The following MACROD2 variants were observed in gnomAD, a reference collection of about 807,000 sequenced individuals.
MACROD2 encodes mono-ADP ribosylhydrolase 2.
In MACROD2, 36 loss-of-function variants were observed where a neutral mutation model predicts 70.4. The observed-to-expected ratio is 0.51, with a 90% CI of 0.39 to 0.68. The LOEUF is 0.68. MACROD2 is among the 30% of genes least tolerant of loss of function. The pLI is 0.00. For synonymous variants in MACROD2, 172 were observed against 178.8 expected (o/e 0.96, Z 0.30); for missense variants, 496 against 538.4 (o/e 0.92, Z 0.78).
intron 6 of MACROD2, among the ~76,000 whole-genome samples, chr20:15,422,309 A>G (rs1000632465): frequency 5.9e-5 from 9 of 152,124 alleles, no homozygotes; most frequent in Non-Finnish European, 1.2e-4. Flanking sequence ...GGGTGTTCTC[A>G]GCGAATTAGA....
chr20:15,817,412 C>A (rs1246813439), intron 8 of MACROD2, among the ~76,000 whole-genome samples: 1 of 152,012 alleles, frequency 6.6e-6, no homozygotes, highest in Admixed American at 6.6e-5. Context: ...ATGTGCCCAC[C>A]AAAAAATTAG....
intron 8 of MACROD2, among the ~76,000 whole-genome samples, chr20:15,635,619 TA>T (rs1246019809): frequency 1.3e-5 from 2 of 151,962 alleles, no homozygotes; most frequent in Admixed American, 1.3e-4. Context: ...GAGCGAGGGT[TA>T]AAAAACTATT....
intron 4 of MACROD2, among the ~76,000 whole-genome samples, chr20:14,563,549 A>C (rs761341944): frequency 6.6e-5 from 10 of 151,872 alleles, no homozygotes; most frequent in Non-Finnish European, 8.8e-5. Context: ...AATTAGTTAA[A>C]CTTTTTATTT....
At chr20:16,024,518 C>CAG (rs2067050475) in intron 15 of MACROD2, among the ~76,000 whole-genome samples, 1 of 143,982 alleles carries the variant, frequency 6.9e-6, no homozygotes, top group South Asian at 2.4e-4. Context: ...CACACAGACA[C>CAG]ACACACACAC....
intron 6 of MACROD2, among the ~76,000 whole-genome samples, chr20:15,389,135 T>A (rs191816080): frequency 6.6e-6 from 1 of 151,292 alleles, no homozygotes; most frequent in Non-Finnish European, 1.5e-5. Context: ...GTGGAGGGAG[T>A]AGAGACATGG....
intron 6 of MACROD2, among the ~76,000 whole-genome samples, chr20:15,301,427 C>T (rs1338788665): frequency 3.9e-5 from 6 of 152,054 alleles, no homozygotes; most frequent in Admixed American, 3.9e-4. Flanking sequence ...TCATGGTCAC[C>T]AACTTGCCTT....
In MACROD2 at chr20:14,356,561, G is replaced by A. The variant is rs184255074; in HGVS notation, c.272-136918G>A. On this transcript the variant is annotated intron_variant, in intron 3 of 17. Coordinates refer to ENST00000684519, the MANE Select transcript of MACROD2 (RefSeq NM_001351661.2). ...GCTCTGTCACCCAGGGTGGAGGGCA[G>A]TGGTGCAATTTTGGCTCACTGCAAC... Among the ~76,000 whole-genome samples the A allele has an allele frequency of 2.1e-5, 3 of 144,216 alleles. No individual in the cohort carries two copies. The East Asian group carries it at 6.1e-4, about 29-fold the overall frequency. The allele number at this position is 144,216 out of a possible 152,430, so 94.6% of individuals were successfully genotyped here. A position where few individuals can be genotyped will look rare whatever the true frequency, so the allele number is the denominator to read the frequency against.
chr20:14,098,225 G>A (rs2054254241), intron 3 of MACROD2, among the ~76,000 whole-genome samples: 1 of 152,166 alleles, frequency 6.6e-6, no homozygotes, highest in African/African-American at 2.4e-5. Context: ...CCTGTACAAA[G>A]ATATGTGTAA....
intron 5 of MACROD2, among the ~76,000 whole-genome samples, chr20:14,710,004 A>T (rs900443252): frequency 6.6e-6 from 1 of 152,182 alleles, no homozygotes; most frequent in African/African-American, 2.4e-5. Flanking sequence ...TTTTATTTAT[A>T]TATTTCTCCA....
intron 8 of MACROD2, among the ~76,000 whole-genome samples, chr20:15,730,052 T>C (rs113011629): frequency 0.075 from 11,450 of 152,052 alleles, 690 homozygotes; most frequent in African/African-American, 0.17. Context: ...GGTCTTGAAC[T>C]CCTGACCTCA....
intron 5 of MACROD2, among the ~76,000 whole-genome samples, chr20:15,154,129 A>G (rs1344194338): frequency 6.6e-6 from 1 of 152,136 alleles, no homozygotes; most frequent in Non-Finnish European, 1.5e-5. Flanking sequence ...CCTGCTTTCC[A>G]CTGGTGAGTT....
chr20:15,267,915 T>C (rs1568680645), intron 6 of MACROD2, among the ~76,000 whole-genome samples: 1 of 152,176 alleles, frequency 6.6e-6, no homozygotes, highest in Non-Finnish European at 1.5e-5. Flanking sequence ...TTTGTTTGTT[T>C]GTTTGTTTTG....
chr20:15,712,015 T>G (rs1305003698), intron 8 of MACROD2, among the ~76,000 whole-genome samples: 1 of 152,224 alleles, frequency 6.6e-6, no homozygotes, highest in Non-Finnish European at 1.5e-5. Context: ...CACTGATCCT[T>G]GGTTATTCGC....
intron 5 of MACROD2, among the ~76,000 whole-genome samples, chr20:14,793,304 A>C (rs991319512): frequency 4.6e-5 from 7 of 152,102 alleles, no homozygotes; most frequent in Admixed American, 3.9e-4. Context: ...TCTTCTCAGC[A>C]TCATGGTAGT....
chr20:14,162,600 T>C (rs1207248286), intron 3 of MACROD2, among the ~76,000 whole-genome samples: 1 of 152,202 alleles, frequency 6.6e-6, no homozygotes, highest in Non-Finnish European at 1.5e-5. Context: ...AATTGATCTC[T>C]TTATCATTTT....
chr20:15,701,244 T>TG (rs1222616678), intron 8 of MACROD2, among the ~76,000 whole-genome samples: 1 of 152,220 alleles, frequency 6.6e-6, no homozygotes, highest in Non-Finnish European at 1.5e-5. Flanking sequence ...AAACCTGCAA[T>TG]ATTATCCGTG....
intron 3 of MACROD2, among the ~76,000 whole-genome samples, chr20:14,490,302 A>G (rs1047328963): frequency 1.3e-5 from 2 of 152,226 alleles, no homozygotes; most frequent in Non-Finnish European, 2.9e-5. Flanking sequence ...ATTTGACACT[A>G]TCAAATTAGC....
At chr20:13,999,632 C>G (rs990994010) in intron 1 of MACROD2, among the ~76,000 whole-genome samples, 1 of 152,124 alleles carries the variant, frequency 6.6e-6, no homozygotes, top group African/African-American at 2.4e-5. Context: ...AGTTATTTGA[C>G]GTTGTTTATA....
chr20:15,070,512 T>A (rs1371329807), intron 5 of MACROD2, among the ~76,000 whole-genome samples: 1 of 152,074 alleles, frequency 6.6e-6, no homozygotes, highest in Non-Finnish European at 1.5e-5. Context: ...GGAGGCAAGG[T>A]CTAGTGGGGA....
Sources: gnomAD v4.1 joint callset for allele counts (sites outside exome capture counted in the v4.1 genomes callset) on GRCh38, gnomAD v4.1.1 for gene constraint, MANE v1.5 for transcripts, NCBI Gene and HGNC (gene_info 2026-07-23, HGNC 2026-07-21) for gene names.